Variants in NCKAP5 observed in about 807,000 individuals in gnomAD.
The protein encoded by NCKAP5 is NCK associated protein 5.
NCKAP5 carries 92 observed loss-of-function variants against 167.0 expected under a neutral mutation model. The observed-to-expected ratio is 0.55, with a 90% CI of 0.47 to 0.66. NCKAP5 has a LOEUF of 0.66. Ranked by LOEUF, NCKAP5 falls within the 30% of genes least tolerant of loss-of-function variation. The pLI is 0.00. For synonymous variants in NCKAP5, 891 were observed against 877.4 expected, an observed-to-expected ratio of 1.02 and a Z score of -0.27; for missense variants, 2,378 against 2,315.0, an observed-to-expected ratio of 1.03 and a Z score of -0.56.
chr2:133,158,696 G>T (rs574464599), intron 5 of NCKAP5, among the ~76,000 whole-genome samples: 75 of 152,046 alleles, frequency 4.9e-4, no homozygotes, highest in African/African-American at 1.8e-3. Context: ...AGTATTTTGT[G>T]GTTTCAATCT....
chr2:133,184,300 T>C (rs964518507), intron 5 of NCKAP5, among the ~76,000 whole-genome samples: 3 of 152,218 alleles, frequency 2.0e-5, no homozygotes, highest in Admixed American at 2.0e-4. Flanking sequence ...CATGATTTTG[T>C]TCATTTTTAT....
chr2:133,351,771 A>G (rs749789904), intron 3 of NCKAP5, among the ~76,000 whole-genome samples: 5 of 152,004 alleles, frequency 3.3e-5, no homozygotes, highest in Non-Finnish European at 5.9e-5. Context: ...CATGCCACAC[A>G]TTGGATCTCA....
intron 15 of NCKAP5, 63 bp from the exon 16 acceptor site, chr2:132,773,957 C>A: frequency 7.2e-7 from 1 of 1,380,936 alleles, no homozygotes; most frequent in South Asian, 1.2e-5. Context: ...CTTTTGCAAT[C>A]CTCAGAGTAA....
chr2:133,038,332 C>G (rs2079102733), intron 6 of NCKAP5, among the ~76,000 whole-genome samples: 1 of 152,134 alleles, frequency 6.6e-6, no homozygotes, highest in African/African-American at 2.4e-5. Flanking sequence ...GTGTATGGAA[C>G]TGGAGATCAT....
intron 6 of NCKAP5, among the ~76,000 whole-genome samples, chr2:132,998,104 C>T (rs2077661173): frequency 6.6e-6 from 1 of 152,180 alleles, no homozygotes; most frequent in Non-Finnish European, 1.5e-5. Context: ...TTATTGCATT[C>T]ATTTTTAAAC....
the NCKAP5 span, among the ~76,000 whole-genome samples, chr2:133,606,041 G>A: frequency 6.6e-6 from 1 of 152,112 alleles, no homozygotes; most frequent in Non-Finnish European, 1.5e-5. Context: ...AAAAAATGCT[G>A]ATTTTTATGT....
chr2:133,469,156 TC>T (rs1692842324), intron 3 of NCKAP5, among the ~76,000 whole-genome samples: 1 of 152,202 alleles, frequency 6.6e-6, no homozygotes, highest in South Asian at 2.1e-4. Context: ...TACCGGCTTT[TC>T]CTTTCCATAT....
intron 11 of NCKAP5, among the ~76,000 whole-genome samples, chr2:132,815,775 C>T (rs112949523): frequency 0.035 from 5,295 of 152,276 alleles, 306 homozygotes; most frequent in African/African-American, 0.12. Flanking sequence ...CAGGTCCACA[C>T]GCTGTGGTTA....
At chr2:133,366,163 A>G (rs1685446775) in intron 3 of NCKAP5, among the ~76,000 whole-genome samples, 1 of 152,202 alleles carries the variant, frequency 6.6e-6, no homozygotes, top group Admixed American at 6.5e-5. Context: ...ATTTTGGACA[A>G]CCATTTTGAG....
chr2:133,374,853 A>G (rs545384850), intron 3 of NCKAP5, among the ~76,000 whole-genome samples: 1 of 152,328 alleles, frequency 6.6e-6, no homozygotes, highest in East Asian at 1.9e-4. Context: ...CTGGAGAAGT[A>G]ATCAGCATCA....
In NCKAP5 at chr2:133,132,719, C is replaced by T. The variant is rs528108998; in HGVS notation, c.208-2608G>A. ...GGAGGCAGAGTCTCTCTCTGTCACC[C>T]AGACTGGAGTGCAGTGGCGCGATCT... On this transcript the variant is annotated intron_variant, in intron 5 of 19. Coordinates refer to ENST00000409261, the MANE Select transcript of NCKAP5 (RefSeq NM_207363.3). 2.7e-5 allele frequency among the ~76,000 whole-genome samples: 4 copies of T among 150,642 alleles called. No individual in the cohort carries two copies. In the South Asian group the frequency reaches 8.4e-4, roughly 32 times the overall value.
rs1683323289 is a variant in NCKAP5 at position 132,784,067 on chromosome 2, T to G, written c.2744A>C (p.His915Pro). 2 of 1,524,560 alleles carry G rather than the reference T, an allele frequency of 1.3e-6. No homozygotes were observed. The highest frequency in any genetic ancestry group is 1.8e-6 in the Non-Finnish European group (2 of 1,138,588). 94.4% of individuals were successfully genotyped at this position (1,524,560 alleles called of 1,614,324 possible). The part of the protein sequence containing the change: ...DSGEPPTRDE[H>P]CGSGPEAGVK... ...CCCTGCCTCCGGCCCAGAGCCACAG[T>G]GTTCATCCCTCGTGGGGGGCTCTCC... The change falls in exon 14 of 20, where the codon CAC becomes CCC. Residue 915 changes from histidine (H) to proline (P), a missense_variant. Physicochemically the swap from His to Pro is moderately conservative, Grantham distance 77. This residue lies in a region of NCKAP5 where 1,325 missense variants were observed against 1,274.5 expected (regional missense o/e 1.04). Coordinates refer to ENST00000409261, the MANE Select transcript of NCKAP5 (RefSeq NM_207363.3).
the NCKAP5 span, among the ~76,000 whole-genome samples, chr2:133,652,336 T>A: frequency 1.3e-5 from 2 of 152,188 alleles, no homozygotes; most frequent in East Asian, 3.8e-4. Context: ...AGTTAGATAG[T>A]TATTAATTCC....
chr2:133,618,237 G>A, the NCKAP5 span, among the ~76,000 whole-genome samples: 3 of 151,586 alleles, frequency 2.0e-5, no homozygotes, highest in Non-Finnish European at 4.4e-5. Flanking sequence ...TCAGGACATA[G>A]GCATGGGCAA....
intron 3 of NCKAP5, among the ~76,000 whole-genome samples, chr2:133,457,733 T>C (rs756847128): frequency 1.3e-5 from 2 of 152,160 alleles, no homozygotes; most frequent in Non-Finnish European, 2.9e-5. Flanking sequence ...AGGAAATCTA[T>C]TCTTAAAGGG....
intron 6 of NCKAP5, among the ~76,000 whole-genome samples, chr2:133,005,189 T>C (rs1257521163): frequency 6.6e-6 from 1 of 152,172 alleles, no homozygotes; most frequent in Admixed American, 6.5e-5. Flanking sequence ...AAGACAGGCA[T>C]AGGAAATTAT....
At chr2:133,410,214 T>G (rs1688689817) in intron 3 of NCKAP5, among the ~76,000 whole-genome samples, 1 of 152,224 alleles carries the variant, frequency 6.6e-6, no homozygotes, top group Non-Finnish European at 1.5e-5. Flanking sequence ...TTCCGTTACT[T>G]AGAATAGACA....
intron 6 of NCKAP5, among the ~76,000 whole-genome samples, chr2:133,092,591 T>A (rs1484753438): frequency 2.2e-5 from 3 of 134,210 alleles, no homozygotes; most frequent in South Asian, 4.2e-4. Context: ...AATAACATAA[T>A]TTTTTTTCAA....
chr2:132,866,123 A>C (rs1369504144), intron 10 of NCKAP5, among the ~76,000 whole-genome samples: 1 of 152,186 alleles, frequency 6.6e-6, no homozygotes, highest in Non-Finnish European at 1.5e-5. Context: ...CACATCATCG[A>C]AATATGTGTT....
Sources: allele counts gnomAD v4.1 joint callset (sites outside exome capture counted in the v4.1 genomes callset), GRCh38; gene constraint gnomAD v4.1.1; regional missense constraint gnomAD v4.1.1; transcripts MANE v1.5; gene names NCBI Gene and HGNC (gene_info 2026-07-23, HGNC 2026-07-21).